COL26A1: variants seen among roughly 807,000 people sequenced by gnomAD.
COL26A1 encodes the protein collagen alpha-1(XXVI) chain.
Under a neutral mutation model 59.3 loss-of-function variants are expected in COL26A1, and 41 were observed. The ratio of observed to expected loss-of-function variants is 0.69; its 90% CI spans 0.54 to 0.90. The LOEUF (loss-of-function observed/expected upper bound fraction) is 0.90, where lower values mean the gene tolerates loss of function less well. Among genes scored for constraint, COL26A1 ranks in the 40% least tolerant of loss-of-function variants. The pLI, the probability that COL26A1 is intolerant of heterozygous loss-of-function variation, is 0.00. For missense variants in COL26A1, 612 were observed against 602.3 expected (o/e 1.02, Z -0.17); for synonymous variants, 266 against 256.0 (o/e 1.04, Z -0.37).
At chr7:101,552,501 T>C (rs1437402480) in intron 10 of COL26A1, among the ~76,000 whole-genome samples, 1 of 152,130 alleles carries the variant, frequency 6.6e-6, no homozygotes, top group Non-Finnish European at 1.5e-5. Flanking sequence ...CCCATAGTCC[T>C]AGTTACTCAG....
intron 2 of COL26A1, among the ~76,000 whole-genome samples, chr7:101,434,564 AT>A (rs35564798): frequency 0.6 from 89,106 of 148,822 alleles, 26,658 homozygotes; most frequent in Middle Eastern, 0.68. Flanking sequence ...GCCTGGCCTG[AT>A]TTTTTTTTTT....
At position 101,533,007 on chromosome 7, in the gene COL26A1, G is replaced by A. The variant is rs562833328; in HGVS notation, c.386-75G>A. On this transcript the variant is annotated intron_variant, in intron 3 of 12. Transcript: ENST00000313669. ...TCTCTGCTTGCCTGCCTGCCCAGAG[G>A]CTATCCTGGTGACTGGGCTGCTGTC... is the stretch of plus-strand genomic sequence containing the variant. 56 of 1,121,024 alleles carry A rather than the reference G, an allele frequency of 5.0e-5. No individual in the cohort carries two copies. The African/African-American group carries it at 7.5e-4, about 15-fold the overall frequency. 69.4% of individuals were successfully genotyped at this position (1,121,024 alleles called of 1,614,324 possible). A position where few individuals can be genotyped will look rare whatever the true frequency, so the allele number is the denominator to read the frequency against.
At chr7:101,369,487 C>T (rs1259544569) in intron 1 of COL26A1, among the ~76,000 whole-genome samples, 3 of 126,500 alleles carry the variant, frequency 2.4e-5, no homozygotes, top group East Asian at 2.4e-4. Flanking sequence ...CTCGCTCTGT[C>T]GCCCAGGCTG....
In COL26A1 at chr7:101,533,154, C is replaced by A; in HGVS notation, c.447+11C>A. 1.3e-6 allele frequency: 2 copies of A among 1,589,534 alleles called. No homozygotes were observed. Among genetic ancestry groups the A allele is most frequent in the Non-Finnish European group, 1.7e-6 (2 of 1,169,354 alleles). On this transcript the variant is annotated intron_variant, in intron 4 of 12. Coordinates refer to ENST00000313669, the MANE Select transcript of COL26A1 (RefSeq NM_001278563.3). The stretch of plus-strand genomic sequence containing the variant: ...ACACTGGAGGCCAAGGTCAGTCGGG[C>A]TGGGGAGTCTGGGCCTGGGGAGCTG...
At chr7:101,475,689 A>G (rs906341705) in intron 3 of COL26A1, among the ~76,000 whole-genome samples, 3 of 151,824 alleles carry the variant, frequency 2.0e-5, no homozygotes, top group African/African-American at 7.3e-5. Context: ...CCTACTGTGT[A>G]TTGGATGTGC....
At chr7:101,518,890 G>A (rs1584480755) in intron 3 of COL26A1, among the ~76,000 whole-genome samples, 1 of 152,096 alleles carries the variant, frequency 6.6e-6, no homozygotes, top group South Asian at 2.1e-4. Context: ...CTTCATCCAA[G>A]CATCCCCAGC....
intron 2 of COL26A1, among the ~76,000 whole-genome samples, chr7:101,421,418 T>C (rs1792515482): frequency 6.6e-6 from 1 of 152,170 alleles, no homozygotes; most frequent in Admixed American, 6.6e-5. Flanking sequence ...CTCATGCTTG[T>C]AATCCCAGCA....
chr7:101,429,589 CTTTTTTTT>C (rs58432413), intron 2 of COL26A1, among the ~76,000 whole-genome samples: 15 of 78,700 alleles, frequency 1.9e-4, no homozygotes, highest in African/African-American at 2.6e-4. Context: ...TTCTTTTTTA[CTTTTTTTT>C]TTTTTTTTTT....
At chr7:101,417,238 A>C (rs192312055) in intron 1 of COL26A1, among the ~76,000 whole-genome samples, 1 of 152,118 alleles carries the variant, frequency 6.6e-6, no homozygotes, top group East Asian at 1.9e-4. Flanking sequence ...GGGGTTTTCC[A>C]TTAGCTTGTT....
At chr7:101,405,955 T>G in intron 1 of COL26A1, among the ~76,000 whole-genome samples, 1 of 152,106 alleles carries the variant, frequency 6.6e-6, no homozygotes, top group Non-Finnish European at 1.5e-5. Flanking sequence ...GGAGAATAAA[T>G]GCAGATAACG....
intron 1 of COL26A1, among the ~76,000 whole-genome samples, chr7:101,419,654 G>T (rs924443581): frequency 6.6e-6 from 1 of 152,228 alleles, no homozygotes; most frequent in Admixed American, 6.5e-5. Context: ...GTGGTGGAAC[G>T]TGTTACCTGC....
intron 1 of COL26A1, among the ~76,000 whole-genome samples, chr7:101,410,568 G>GA (rs1278180581): frequency 6.6e-6 from 1 of 152,132 alleles, no homozygotes; most frequent in Non-Finnish European, 1.5e-5. Context: ...AGAGAGAAAG[G>GA]AAAAAATATA....
intron 3 of COL26A1, among the ~76,000 whole-genome samples, chr7:101,512,332 A>C (rs529987214): frequency 4.6e-5 from 7 of 152,192 alleles, no homozygotes; most frequent in Admixed American, 2.6e-4. Flanking sequence ...AAAAAATCAA[A>C]ACCTAGCCAG....
In COL26A1 at chr7:101,489,764, T is replaced by C. The variant is rs529582136; in HGVS notation, c.385+41977T>C. 2.5e-3 allele frequency among the ~76,000 whole-genome samples: 9 copies of C among 3,576 alleles called. 1 individual carries two copies. Among genetic ancestry groups the C allele is most frequent in the East Asian group, 0.014 (4 of 288 alleles). 2.3% of individuals were successfully genotyped at this position (3,576 alleles called of 152,430 possible). On this transcript the variant is annotated intron_variant, in intron 3 of 12. Coordinates refer to ENST00000313669, the MANE Select transcript of COL26A1 (RefSeq NM_001278563.3). ...CTCTTTCTTTCTTGTCTCTCTTTCT[T>C]TCTTTCTTTCTTTCTTTCTTTCTTT... is the stretch of plus-strand genomic sequence containing the variant.
chr7:101,550,833 T>TC (rs34442683), intron 9 of COL26A1, among the ~76,000 whole-genome samples: 55,368 of 152,072 alleles, frequency 0.36, 10,457 homozygotes, highest in African/African-American at 0.42. Flanking sequence ...GACCACCTGC[T>TC]CCCCTTCTCT....
At chr7:101,398,217 T>G (rs886759075) in intron 1 of COL26A1, among the ~76,000 whole-genome samples, 4 of 152,224 alleles carry the variant, frequency 2.6e-5, no homozygotes, top group African/African-American at 7.2e-5. Context: ...TGTTTTTCAC[T>G]GTATCTATTT....
At chr7:101,389,966 C>T (rs914400887) in intron 1 of COL26A1, among the ~76,000 whole-genome samples, 6 of 152,016 alleles carry the variant, frequency 3.9e-5, no homozygotes, top group Admixed American at 2.6e-4. Context: ...TGCCTTTTCA[C>T]TCTGTTGATT....
intron 8 of COL26A1, among the ~76,000 whole-genome samples, chr7:101,547,519 A>G (rs957993648): frequency 5.9e-5 from 9 of 152,326 alleles, no homozygotes; most frequent in Admixed American, 5.9e-4. Context: ...TGGGACACAC[A>G]CCAGTGGGGG....
intron 3 of COL26A1, among the ~76,000 whole-genome samples, chr7:101,468,049 T>G (rs926916791): frequency 1.3e-5 from 2 of 152,084 alleles, no homozygotes; most frequent in Non-Finnish European, 2.9e-5. Context: ...ACACTTGTAA[T>G]CCCAGCACTT....
Sources: gnomAD v4.1 joint callset for allele counts (sites outside exome capture counted in the v4.1 genomes callset) on GRCh38, gnomAD v4.1.1 for gene constraint, MANE v1.5 for transcripts, NCBI Gene and HGNC (gene_info 2026-07-23, HGNC 2026-07-21) for gene names.